Variants in PRICKLE1 observed in about 807,000 individuals in gnomAD.
PRICKLE1 encodes the protein prickle-like protein 1.
Under a neutral mutation model 70.2 loss-of-function variants are expected in PRICKLE1, and 14 were observed. The ratio of observed to expected loss-of-function variants is 0.20; its 90% CI spans 0.13 to 0.31. The LOEUF (loss-of-function observed/expected upper bound fraction) is 0.31, where lower values mean the gene tolerates loss of function less well. Among genes scored for constraint, PRICKLE1 ranks in the 10% least tolerant of loss-of-function variants. The pLI, the probability that PRICKLE1 is intolerant of heterozygous loss-of-function variation, is 1.00. For missense variants in PRICKLE1, 821 were observed against 1,026.2 expected, an observed-to-expected ratio of 0.80 and a Z score of 2.73; for synonymous variants, 357 against 379.9, an observed-to-expected ratio of 0.94 and a Z score of 0.70.
In PRICKLE1 at chr12:42,465,272, G is replaced by A. The variant is rs527292011; in HGVS notation, c.776-14C>T. ...CATGGTCCACACCTGTTTTGAAAAG[G>A]ATAGAATAAATAACAGGTTATGGTT... On this transcript the variant is annotated splice_polypyrimidine_tract_variant and intron_variant, in intron 6 of 7. Coordinates refer to ENST00000345127, the MANE Select transcript of PRICKLE1 (RefSeq NM_153026.3). The A allele has an allele frequency of 4.7e-5, 76 of 1,613,652 alleles. No homozygotes were observed. In the South Asian group the frequency reaches 7.9e-4, roughly 17 times the overall value.
At chr12:42,553,642 A>G (rs1300558783) in intron 1 of PRICKLE1, among the ~76,000 whole-genome samples, 1 of 151,932 alleles carries the variant, frequency 6.6e-6, no homozygotes, top group Non-Finnish European at 1.5e-5. Context: ...TCTGTAAAAT[A>G]CAGATAATAG....
At chr12:42,482,691 CAT>C (rs1032682000) in intron 1 of PRICKLE1, 1 of 152,388 alleles carries the variant, frequency 6.6e-6, no homozygotes, top group South Asian at 2.1e-4. Flanking sequence ...AAATTCCACA[CAT>C]AGCCTGGCTT....
At chr12:42,553,923 C>T (rs545733479) in intron 1 of PRICKLE1, among the ~76,000 whole-genome samples, 4 of 152,188 alleles carry the variant, frequency 2.6e-5, no homozygotes, top group Non-Finnish European at 5.9e-5. Flanking sequence ...GCCAACACAG[C>T]GAAACCCCAT....
chr12:42,483,791 C>T (rs1593130086), intron 1 of PRICKLE1: 1 of 151,568 alleles, frequency 6.6e-6, no homozygotes, highest in African/African-American at 2.4e-5. Flanking sequence ...TGAGGCATCC[C>T]ACAAAAGGTC....
intron 1 of PRICKLE1, among the ~76,000 whole-genome samples, chr12:42,510,895 C>A (rs560600987): frequency 7.0e-4 from 107 of 152,314 alleles, no homozygotes; most frequent in African/African-American, 2.5e-3. Context: ...TGAAAAGGTT[C>A]TTCCTAGTTC....
At chr12:42,518,868 T>TTGC (rs1458551953) in intron 1 of PRICKLE1, among the ~76,000 whole-genome samples, 10 of 152,192 alleles carry the variant, frequency 6.6e-5, no homozygotes, top group Non-Finnish European at 1.5e-4. Context: ...ACTTATTAAT[T>TTGC]AGATTTAAGA....
chr12:42,571,086 T>C (rs1389946469), intron 1 of PRICKLE1, among the ~76,000 whole-genome samples: 1 of 152,172 alleles, frequency 6.6e-6, no homozygotes. Context: ...AACGTTTAGT[T>C]TTCTAGGCTT....
rs1196076701 is a variant in PRICKLE1, at chr12:42,457,395, T to G, written c.*2414A>C. On this transcript the variant is annotated 3_prime_UTR_variant, in exon 8 of 8. Transcript: ENST00000345127. ...TTATAAGCAACATATTGCAACAGTC[T>G]TTTCTAAAAGGATGCCCACTTGTGG... The G allele has an allele frequency of 1.3e-5, 2 of 152,168 alleles. No homozygotes were observed. Among genetic ancestry groups the G allele is most frequent in the Non-Finnish European group, 2.9e-5 (2 of 68,040 alleles). 9.4% of individuals were successfully genotyped at this position (152,168 alleles called of 1,614,324 possible). A position where few individuals can be genotyped will look rare whatever the true frequency, so the allele number is the denominator to read the frequency against.
Position 42,459,556 on chromosome 12 carries a change from C to CCTT in PRICKLE1, c.*252_*253insAAG. ...GAGGACTGGAAAACCAAAGCAGCTA[C>CCTT]GTCCATCTGTAACGCACCCGCACCG... is the stretch of plus-strand genomic sequence containing the variant. On this transcript the variant is annotated 3_prime_UTR_variant, in exon 8 of 8. Transcript: ENST00000345127. 3.2e-6 allele frequency: 2 copies of CCTT among 618,042 alleles called. No homozygotes were observed. Among genetic ancestry groups the CCTT allele is most frequent in the Non-Finnish European group, 5.7e-6 (2 of 348,456 alleles). 38.3% of individuals were successfully genotyped at this position (618,042 alleles called of 1,614,324 possible).
intron 1 of PRICKLE1, among the ~76,000 whole-genome samples, chr12:42,585,095 C>T (rs866185354): frequency 1.3e-5 from 2 of 151,678 alleles, no homozygotes; most frequent in Admixed American, 6.6e-5. Context: ...CAAGAGTTTA[C>T]CCCAAATCTA....
chr12:42,545,103 G>C (rs566772021), intron 1 of PRICKLE1, among the ~76,000 whole-genome samples: 1 of 152,036 alleles, frequency 6.6e-6, no homozygotes, highest in East Asian at 1.9e-4. Flanking sequence ...TCCTGGGCTC[G>C]AGTGATCCTC....
rs558776492 is a variant in PRICKLE1, at chr12:42,576,052, A to G, written c.-49+13413T>C. 5.1e-4 allele frequency among the ~76,000 whole-genome samples: 77 copies of G among 152,298 alleles called. 2 individuals are homozygous for G. In the South Asian group the frequency reaches 0.016, roughly 32 times the overall value. ...ACTCTTGAAAAACTGAACCACTCCT[A>G]TGTAATGTTTGTATTCCCAGAACCT... On this transcript the variant is annotated intron_variant, in intron 1 of 7. Transcript: ENST00000345127.
intron 6 of PRICKLE1, 45 bp downstream of exon 6, chr12:42,466,149 A>AC: frequency 6.3e-7 from 1 of 1,598,484 alleles, no homozygotes; most frequent in Non-Finnish European, 8.6e-7. Context: ...TCCAAGACAG[A>AC]CTAATGGCTA....
In PRICKLE1 at chr12:42,477,512, A is replaced by G. The variant is rs61924384; in HGVS notation, c.-48-4948T>C. ...TATATATATATATATATATATATAT[A>G]TATATATATATATATATATATGACC... On this transcript the variant is annotated intron_variant, in intron 1 of 7. Transcript: ENST00000345127. Among the ~76,000 whole-genome samples, 176 of 24,968 alleles carry G rather than the reference A, an allele frequency of 7.0e-3. 1 individual carries two copies. The highest frequency in any genetic ancestry group is 0.037 in the African/African-American group (148 of 3,956). 16.4% of individuals were successfully genotyped at this position (24,968 alleles called of 152,430 possible). A position where few individuals can be genotyped will look rare whatever the true frequency, so the allele number is the denominator to read the frequency against.
chr12:42,571,302 T>TA (rs990883508), intron 1 of PRICKLE1, among the ~76,000 whole-genome samples: 58 of 151,044 alleles, frequency 3.8e-4, no homozygotes, highest in African/African-American at 1.3e-3. Context: ...AGTTTCAGAG[T>TA]AAAAAAAAAG....
intron 1 of PRICKLE1, among the ~76,000 whole-genome samples, chr12:42,478,734 T>TC (rs1457153807): frequency 6.6e-6 from 1 of 152,038 alleles, no homozygotes; most frequent in African/African-American, 2.4e-5. Context: ...CTCTTTTTTT[T>TC]TTTTTTTAGA....
At chr12:42,517,645 C>T (rs1489836964) in intron 1 of PRICKLE1, among the ~76,000 whole-genome samples, 2 of 151,980 alleles carry the variant, frequency 1.3e-5, no homozygotes, top group Non-Finnish European at 2.9e-5. Flanking sequence ...GTTCCTAGAT[C>T]AGTTTTTCCA....
chr12:42,501,523 A>T (rs1164170995), intron 1 of PRICKLE1, among the ~76,000 whole-genome samples: 2 of 141,284 alleles, frequency 1.4e-5, no homozygotes, highest in South Asian at 4.6e-4. Flanking sequence ...AAAAAAAAAA[A>T]AAAAAAAGAA....
intron 5 of PRICKLE1, among the ~76,000 whole-genome samples, chr12:42,467,407 G>A (rs1448950935): frequency 1.4e-5 from 2 of 148,142 alleles, no homozygotes; most frequent in African/African-American, 5.0e-5. Flanking sequence ...GAGCCACCGA[G>A]CCCGGCAGGT....
Sources: allele counts gnomAD v4.1 joint callset (sites outside exome capture counted in the v4.1 genomes callset), GRCh38; gene constraint gnomAD v4.1.1; transcripts MANE v1.5; gene names NCBI Gene and HGNC (gene_info 2026-07-23, HGNC 2026-07-21).